The following KCTD16 variants were observed in gnomAD, a reference collection of about 807,000 sequenced individuals.
The protein encoded by KCTD16 is potassium channel tetramerization domain containing 16, also known as BTB/POZ domain-containing protein KCTD16.
In KCTD16, 13 loss-of-function variants were observed where a neutral mutation model predicts 33.2. The ratio of observed to expected loss-of-function variants is 0.39; its 90% CI spans 0.25 to 0.62. The LOEUF is 0.62. Ranked by LOEUF, KCTD16 falls within the 20% of genes least tolerant of loss-of-function variation. KCTD16 has a pLI of 0.50. For missense variants in KCTD16, 441 were observed against 525.1 expected (o/e 0.84, Z 1.57); for synonymous variants, 197 against 195.3 (o/e 1.01, Z -0.07).
intron 3 of KCTD16, among the ~76,000 whole-genome samples, chr5:144,218,953 T>G (rs1036633194): frequency 1.3e-5 from 2 of 152,096 alleles, no homozygotes; most frequent in African/African-American, 4.8e-5. Context: ...ACCCCATGAG[T>G]GACAGTAAAA....
chr5:144,292,522 A>G (rs555959581), intron 3 of KCTD16, among the ~76,000 whole-genome samples: 1 of 152,254 alleles, frequency 6.6e-6, no homozygotes, highest in South Asian at 2.1e-4. Flanking sequence ...GTTAGAGGTG[A>G]GCCCTAGACG....
At chr5:144,353,999 A>G (rs1222944400) in intron 3 of KCTD16, among the ~76,000 whole-genome samples, 7 of 152,172 alleles carry the variant, frequency 4.6e-5, no homozygotes, top group Non-Finnish European at 1.0e-4. Flanking sequence ...ACAAAGAAAC[A>G]TTTCACTGGA....
intron 3 of KCTD16, among the ~76,000 whole-genome samples, chr5:144,417,284 A>T (rs545903897): frequency 2.0e-4 from 30 of 152,166 alleles, no homozygotes; most frequent in Non-Finnish European, 4.0e-4. Flanking sequence ...TGTTATTTTT[A>T]TTTTAAAAAT....
intron 3 of KCTD16, among the ~76,000 whole-genome samples, chr5:144,447,654 CAG>C (rs1480043335): frequency 6.6e-6 from 1 of 151,868 alleles, no homozygotes. Context: ...GAGTCTGAGA[CAG>C]GGTAGATATT....
At position 144,482,492 on chromosome 5, in the gene KCTD16, T is replaced by A. The variant is rs1754723409; in HGVS notation, c.*8378T>A. 6.6e-6 allele frequency: 1 copy of A among 151,868 alleles called. No homozygotes were observed. The allele number at this position is 151,868 out of a possible 1,614,324, so 9.4% of individuals were successfully genotyped here. A position where few individuals can be genotyped will look rare whatever the true frequency, so the allele number is the denominator to read the frequency against. ...AGGTGTATGAGCGTGTTTATATGTGTTTATGCATGAGTGTATCTAGGTATC... is the reference window on the plus strand; with the variant it reads ...AGGTGTATGAGCGTGTTTATATGTGATTATGCATGAGTGTATCTAGGTATC... On this transcript the variant is annotated 3_prime_UTR_variant, in exon 4 of 4. Transcript: ENST00000512467.
chr5:144,347,550 G>A (rs556298973), intron 3 of KCTD16, among the ~76,000 whole-genome samples: 46 of 152,252 alleles, frequency 3.0e-4, no homozygotes, highest in African/African-American at 9.4e-4. Context: ...AGCCGAGATC[G>A]CACCATCGCA....
chr5:144,272,923 A>C (rs1162174179), intron 3 of KCTD16, among the ~76,000 whole-genome samples: 2 of 152,188 alleles, frequency 1.3e-5, no homozygotes, highest in African/African-American at 4.8e-5. Context: ...GGGTTGGGCA[A>C]ATATTTTTTG....
chr5:144,221,453 A>G lies in KCTD16; in HGVS notation c.832+13907A>G, dbSNP rs1008921748. ...CCCTGACAGGCCCCAGTGTGTGATG[A>G]TCCTTTCTCTGTGTCCATGTGTTCT... On this transcript the variant is annotated intron_variant, in intron 3 of 3. Coordinates refer to ENST00000512467, the MANE Select transcript of KCTD16 (RefSeq NM_020768.4). 3.3e-5 allele frequency among the ~76,000 whole-genome samples: 5 copies of G among 151,586 alleles called. No individual in the cohort carries two copies. In the East Asian group the frequency reaches 9.7e-4, roughly 29 times the overall value.
At chr5:144,189,469 C>T (rs1428734298) in intron 2 of KCTD16, among the ~76,000 whole-genome samples, 9 of 145,502 alleles carry the variant, frequency 6.2e-5, no homozygotes, top group African/African-American at 2.3e-4. Context: ...GCACTTCAGC[C>T]GGGGTGACAG....
At chr5:144,265,431 T>G (rs1446240418) in intron 3 of KCTD16, among the ~76,000 whole-genome samples, 1 of 152,140 alleles carries the variant, frequency 6.6e-6, no homozygotes, top group Non-Finnish European at 1.5e-5. Context: ...ATTATGAGAG[T>G]TGTTGGAATA....
intron 3 of KCTD16, among the ~76,000 whole-genome samples, chr5:144,300,505 G>T (rs1000498381): frequency 2.0e-5 from 3 of 151,854 alleles, no homozygotes; most frequent in African/African-American, 7.3e-5. Context: ...TAGCTCACAG[G>T]GTATTTTGCA....
rs762218166 is a variant in KCTD16 at position 144,276,968 on chromosome 5, T to C, written c.832+69422T>C. 7.2e-5 allele frequency among the ~76,000 whole-genome samples: 11 copies of C among 151,984 alleles called. 1 individual carries two copies. Among genetic ancestry groups the C allele is most frequent in the African/African-American group, 1.2e-4 (5 of 41,392 alleles). On this transcript the variant is annotated intron_variant, in intron 3 of 3. Coordinates refer to ENST00000512467, the MANE Select transcript of KCTD16 (RefSeq NM_020768.4). ...TAAAAATAACAGTATTGCAATAAATTATAACATAATGACAGTCATATCCTG... is the reference window on the plus strand; with the variant it reads ...TAAAAATAACAGTATTGCAATAAATCATAACATAATGACAGTCATATCCTG...
intron 3 of KCTD16, among the ~76,000 whole-genome samples, chr5:144,417,760 T>G (rs573035799): frequency 3.3e-5 from 5 of 151,880 alleles, no homozygotes; most frequent in Non-Finnish European, 5.9e-5. Context: ...TCCTTTTGAG[T>G]TTTTTTTGGG....
intron 3 of KCTD16, among the ~76,000 whole-genome samples, chr5:144,418,001 T>C (rs1000201890): frequency 6.6e-6 from 1 of 152,150 alleles, no homozygotes; most frequent in East Asian, 1.9e-4. Flanking sequence ...AGTTTCTTCC[T>C]TCTGGTGGGC....
intron 3 of KCTD16, among the ~76,000 whole-genome samples, chr5:144,379,843 A>G (rs1188048682): frequency 6.6e-6 from 1 of 152,188 alleles, no homozygotes; most frequent in Non-Finnish European, 1.5e-5. Flanking sequence ...TATAAAAGTT[A>G]TATTCAAATA....
At chr5:144,397,533 C>A (rs570760741) in intron 3 of KCTD16, among the ~76,000 whole-genome samples, 13 of 152,306 alleles carry the variant, frequency 8.5e-5, no homozygotes, top group Admixed American at 2.0e-4. Flanking sequence ...AACTAGTTTA[C>A]AATCCCACCA....
intron 3 of KCTD16, among the ~76,000 whole-genome samples, chr5:144,468,624 C>A (rs908230294): frequency 6.6e-6 from 1 of 152,182 alleles, no homozygotes. Flanking sequence ...ATAAAAACAT[C>A]AATTTGGCCA....
intron 3 of KCTD16, among the ~76,000 whole-genome samples, chr5:144,394,369 G>T (rs1311029162): frequency 9.2e-5 from 14 of 152,154 alleles, no homozygotes; most frequent in Non-Finnish European, 1.0e-4. Context: ...GAAAAGGCCA[G>T]GAAGTCCAGG....
intron 3 of KCTD16, among the ~76,000 whole-genome samples, chr5:144,413,215 T>C (rs1298827093): frequency 7.2e-5 from 11 of 152,212 alleles, no homozygotes; most frequent in African/African-American, 2.7e-4. Flanking sequence ...CCAATATGAC[T>C]GGTGCCCCTA....
Sources: gnomAD v4.1 joint callset for allele counts (sites outside exome capture counted in the v4.1 genomes callset) on GRCh38, gnomAD v4.1.1 for gene constraint, MANE v1.5 for transcripts, NCBI Gene and HGNC (gene_info 2026-07-23, HGNC 2026-07-21) for gene names.